The following LGALS3 variants were observed in gnomAD, a reference collection of about 807,000 sequenced individuals.
The protein encoded by LGALS3 is galectin-3.
In LGALS3, 18 loss-of-function variants were observed where a neutral mutation model predicts 20.7. The observed-to-expected ratio is 0.87, with a 90% CI of 0.60 to 1.29. LGALS3 has a LOEUF of 1.29. Among genes scored for constraint, LGALS3 ranks in the 50% most tolerant of loss-of-function variants. The pLI, the probability that LGALS3 is intolerant of heterozygous loss-of-function variation, is 0.00. For missense variants in LGALS3, 315 were observed against 314.7 expected (o/e 1.00, Z -0.01); for synonymous variants, 112 against 119.6 (o/e 0.94, Z 0.42).
chr14:55,139,036 G>T (rs1881524634), intron 3 of LGALS3, among the ~76,000 whole-genome samples: 1 of 152,160 alleles, frequency 6.6e-6, no homozygotes, highest in Admixed American at 6.5e-5. Context: ...TATGGGATTA[G>T]ACCATTTCAG....
intron 1 of LGALS3, among the ~76,000 whole-genome samples, chr14:55,132,997 T>C (rs914667486): frequency 3.3e-5 from 5 of 152,262 alleles, no homozygotes; most frequent in African/African-American, 1.2e-4. Context: ...GGCATTCTTG[T>C]ATTCAATATT....
At chr14:55,132,306 T>G (rs1024570215) in intron 1 of LGALS3, among the ~76,000 whole-genome samples, 1 of 152,108 alleles carries the variant, frequency 6.6e-6, no homozygotes, top group African/African-American at 2.4e-5. Flanking sequence ...TTTTGAAGTT[T>G]TTTTTTTTTC....
At chr14:55,133,061 C>T (rs1055826222) in intron 1 of LGALS3, among the ~76,000 whole-genome samples, 5 of 152,126 alleles carry the variant, frequency 3.3e-5, no homozygotes, top group Non-Finnish European at 1.5e-5. Flanking sequence ...GACCAAAACA[C>T]AATCCTTTTT....
At position 55,129,281 on chromosome 14, in the gene LGALS3, C is replaced by A. The variant is rs1881153699; in HGVS notation, c.-24C>A. ...GCAGCACCTCCTCGCCAGCAGCCGT[C>A]CGGAGCCAGCCAACGAGCGGTGAGC... On this transcript the variant is annotated 5_prime_UTR_variant, in exon 1 of 6. Transcript: ENST00000254301. The surrounding 1 kb of genome is among the most constrained non-coding windows in gnomAD (Gnocchi z 5.3). 2 of 151,960 alleles carry A rather than the reference C, an allele frequency of 1.3e-5. No homozygotes were observed. The highest frequency in any genetic ancestry group is 4.8e-5 in the African/African-American group (2 of 41,414). The allele number at this position is 151,960 out of a possible 1,614,324, so 9.4% of individuals were successfully genotyped here.
chr14:55,140,576 T>C (rs895807177), intron 4 of LGALS3: 39 of 473,668 alleles, frequency 8.2e-5, no homozygotes, highest in Non-Finnish European at 1.3e-4. Context: ...CTAAGCATCA[T>C]GGCACTCATA....
intron 2 of LGALS3, chr14:55,137,691 T>C: frequency 7.2e-7 from 1 of 1,396,490 alleles, no homozygotes; most frequent in Non-Finnish European, 9.3e-7. Context: ...TAGCGGGAAG[T>C]GCGGTACAGT....
intron 1 of LGALS3, among the ~76,000 whole-genome samples, chr14:55,132,255 A>C (rs1881254462): frequency 6.6e-6 from 1 of 152,172 alleles, no homozygotes. Context: ...GTGTTTACAA[A>C]TGTGGAGACC....
intron 1 of LGALS3, among the ~76,000 whole-genome samples, chr14:55,135,769 T>A (rs1400500429): frequency 2.2e-4 from 34 of 151,708 alleles, no homozygotes. Flanking sequence ...TTTGCCATAT[T>A]GCCCAGGCTA....
chr14:55,138,019 G>C, intron 2 of LGALS3, 26 bp from the exon 3 acceptor site: 1 of 1,474,416 alleles, frequency 6.8e-7, no homozygotes. Flanking sequence ...TTTCTGTCCC[G>C]TAATTGTGTA....
Position 55,140,364 on chromosome 14 carries a change from G to T in LGALS3, c.431+1G>T, listed in dbSNP as rs566177704. On this transcript the variant is annotated splice_donor_variant, in intron 4 of 5. Coordinates refer to ENST00000254301, the MANE Select transcript of LGALS3 (RefSeq NM_002306.4). LOFTEE classifies it high-confidence loss of function. ...GCACGGTGAAGCCCAATGCAAACAG[G>T]TAAGGAGAGCAAAATTAACAAGTCT... 2.5e-6 allele frequency: 4 copies of T among 1,600,942 alleles called. No homozygotes were observed. Among genetic ancestry groups the T allele is most frequent in the African/African-American group, 2.7e-5 (2 of 74,798 alleles).
In LGALS3 at chr14:55,129,756, T is replaced by C. The variant is rs1881171873; in HGVS notation, c.-5+456T>C. On this transcript the variant is annotated intron_variant, in intron 1 of 5. Coordinates refer to ENST00000254301, the MANE Select transcript of LGALS3 (RefSeq NM_002306.4). The surrounding 1 kb of genome is among the most constrained non-coding windows in gnomAD (Gnocchi z 5.3). ...TCAGCAAACCAGACGGCCGCTCCAG[T>C]TTCTCTAATTGGGGTTGGAGCCCCG... Among the ~76,000 whole-genome samples the C allele has an allele frequency of 1.3e-5, 2 of 152,116 alleles. No homozygotes were observed. Among genetic ancestry groups the C allele is most frequent in the African/African-American group, 4.8e-5 (2 of 41,522 alleles).
At chr14:55,140,550 T>C (rs1881585272) in intron 4 of LGALS3, 187 bp downstream of exon 4, 1 of 501,512 alleles carries the variant, frequency 2.0e-6, no homozygotes, top group African/African-American at 1.9e-5. Context: ...TCCATACATA[T>C]TCCCATATAA....
chr14:55,130,495 C>G (rs1429332672), intron 1 of LGALS3, among the ~76,000 whole-genome samples: 1 of 151,654 alleles, frequency 6.6e-6, no homozygotes, highest in African/African-American at 2.4e-5. Flanking sequence ...CAATTAACTA[C>G]TTGGGCACAG....
intron 2 of LGALS3, 172 bp downstream of exon 2, chr14:55,137,563 T>C: frequency 6.5e-7 from 1 of 1,537,860 alleles, no homozygotes; most frequent in Non-Finnish European, 8.7e-7. Context: ...CAGCAGCAGA[T>C]TTGGGAAGAA....
rs1480289071 is a variant in LGALS3 at position 55,142,736 on chromosome 14, G to C, written c.584G>C (p.Gly195Ala). ...CAGTCGGTTTTCCCATTTGAAAGTG[G>C]GAAACCATTCAAAGTAAGTTATTGC... ...ERQSVFPFESGKPFKIQVLVE... is the reference protein window; with the variant it reads ...ERQSVFPFESAKPFKIQVLVE... The change falls in exon 5 of 6, where the codon GGG becomes GCG. Residue 195 changes from glycine to alanine, a missense_variant. Gly to Ala is a moderately conservative substitution (Grantham distance 60). Transcript: ENST00000254301. 1 of 1,612,494 alleles carries C rather than the reference G, an allele frequency of 6.2e-7. No homozygotes were observed. Among genetic ancestry groups the C allele is most frequent in the South Asian group, 1.1e-5 (1 of 91,002 alleles).
At chr14:55,136,963 G>A (rs1005409248) in intron 1 of LGALS3, among the ~76,000 whole-genome samples, 23 of 152,222 alleles carry the variant, frequency 1.5e-4, no homozygotes, top group African/African-American at 5.3e-4. Context: ...CGCAGTGCCT[G>A]GCCAGGAGCA....
At chr14:55,142,805 T>C (rs1485411497) in intron 5 of LGALS3, 56 bp downstream of exon 5, 1 of 1,420,898 alleles carries the variant, frequency 7.0e-7, no homozygotes. Flanking sequence ...GAGGAATCAC[T>C]CTAAAACCCC....
chr14:55,130,703 G>C (rs1881201938), intron 1 of LGALS3, among the ~76,000 whole-genome samples: 1 of 141,594 alleles, frequency 7.1e-6, no homozygotes, highest in Non-Finnish European at 1.5e-5. Flanking sequence ...GGGATTACAG[G>C]CATGCGCCAC....
chr14:55,130,803 A>C (rs1881211153), intron 1 of LGALS3, among the ~76,000 whole-genome samples: 1 of 147,514 alleles, frequency 6.8e-6, no homozygotes. Context: ...CGAACCCCCG[A>C]CCTCAGGTGA....
Sources: gnomAD v4.1 joint callset for allele counts (sites outside exome capture counted in the v4.1 genomes callset) on GRCh38, gnomAD v4.1.1 for gene constraint, Gnocchi (gnomAD v3.1) non-coding constraint, MANE v1.5 for transcripts, NCBI Gene and HGNC (gene_info 2026-07-23, HGNC 2026-07-21) for gene names.